Variants in DENND1B observed in about 807,000 individuals in gnomAD.
The protein encoded by DENND1B is DENN domain containing 1B, also known as DENN domain-containing protein 1B.
DENND1B carries 59 observed loss-of-function variants against 90.1 expected under a neutral mutation model. The ratio of observed to expected loss-of-function variants is 0.65; its 90% CI spans 0.53 to 0.81. DENND1B has a LOEUF of 0.81. DENND1B is among the 40% of genes least tolerant of loss of function. DENND1B has a pLI of 0.00. For missense variants in DENND1B, 862 were observed against 912.6 expected (o/e 0.94, Z 0.71); for synonymous variants, 337 against 324.6 (o/e 1.04, Z -0.41).
intron 10 of DENND1B, among the ~76,000 whole-genome samples, chr1:197,619,233 T>C (rs1323876533): frequency 6.6e-6 from 1 of 151,288 alleles, no homozygotes; most frequent in Non-Finnish European, 1.5e-5. Context: ...CTAGGAGGCA[T>C]TCAAATACTT....
rs1572204620 is a variant in DENND1B, at chr1:197,653,652, A to G, written c.367-1337T>C. 2.6e-5 allele frequency among the ~76,000 whole-genome samples: 4 copies of G among 151,996 alleles called. No homozygotes were observed. In the East Asian group the frequency reaches 7.7e-4, roughly 29 times the overall value. ...AAGGAACACAAATGGAGCCTCCCCT[A>G]TTTCCTCTTCTCAGAAAGCCAAAAT... On this transcript the variant is annotated intron_variant, in intron 6 of 22. Coordinates refer to ENST00000620048, the MANE Select transcript of DENND1B (RefSeq NM_001195215.2).
chr1:197,517,590 T>C (rs772644032), intron 20 of DENND1B, among the ~76,000 whole-genome samples: 3 of 151,958 alleles, frequency 2.0e-5, no homozygotes, highest in Admixed American at 1.3e-4. Context: ...GTCTCTATTA[T>C]TCTGTCTTGT....
intron 15 of DENND1B, among the ~76,000 whole-genome samples, chr1:197,574,038 A>G (rs1458659346): frequency 1.3e-5 from 2 of 152,222 alleles, no homozygotes; most frequent in African/African-American, 4.8e-5. Context: ...AAACCAGTAC[A>G]AGACAAGGAT....
chr1:197,752,692 T>A (rs551589412), intron 2 of DENND1B, among the ~76,000 whole-genome samples: 1 of 152,102 alleles, frequency 6.6e-6, no homozygotes, highest in African/African-American at 2.4e-5. Context: ...GTACACAACA[T>A]GCAGGTTTGT....
intron 15 of DENND1B, among the ~76,000 whole-genome samples, chr1:197,566,653 C>G (rs1672695122): frequency 6.6e-6 from 1 of 151,912 alleles, no homozygotes; most frequent in Non-Finnish European, 1.5e-5. Flanking sequence ...ACTTAAATGC[C>G]TATTATGTAT....
At chr1:197,529,227 T>C (rs1370146312) in intron 20 of DENND1B, among the ~76,000 whole-genome samples, 3 of 19,214 alleles carry the variant, frequency 1.6e-4, no homozygotes, top group Non-Finnish European at 4.0e-4. Flanking sequence ...TATATATATA[T>C]ATATATATAT....
intron 15 of DENND1B, among the ~76,000 whole-genome samples, chr1:197,581,625 G>A (rs905686935): frequency 5.9e-5 from 9 of 152,042 alleles, no homozygotes; most frequent in Admixed American, 2.0e-4. Flanking sequence ...GATATTCTGC[G>A]ATACAGTCAA....
At chr1:197,737,671 A>T (rs1213146646) in intron 2 of DENND1B, among the ~76,000 whole-genome samples, 2 of 152,194 alleles carry the variant, frequency 1.3e-5, no homozygotes, top group East Asian at 3.9e-4. Flanking sequence ...TCTTAGCTAG[A>T]CAAGAAAAAC....
At chr1:197,679,967 T>C (rs963511309) in intron 3 of DENND1B, among the ~76,000 whole-genome samples, 6 of 151,472 alleles carry the variant, frequency 4.0e-5, no homozygotes, top group Non-Finnish European at 8.8e-5. Context: ...CTGGGCAACA[T>C]GGTGAAACCC....
intron 20 of DENND1B, among the ~76,000 whole-genome samples, chr1:197,539,670 T>C (rs1670183897): frequency 6.6e-6 from 1 of 152,214 alleles, no homozygotes; most frequent in South Asian, 2.1e-4. Flanking sequence ...TTCCAGTTTA[T>C]CATCAAGCTA....
intron 7 of DENND1B, among the ~76,000 whole-genome samples, chr1:197,647,478 C>T (rs1169732379): frequency 1.3e-5 from 2 of 152,246 alleles, no homozygotes; most frequent in East Asian, 3.9e-4. Flanking sequence ...TTTAATCTTA[C>T]ATCATAAAAC....
chr1:197,668,869 T>C (rs1655202724), intron 5 of DENND1B, among the ~76,000 whole-genome samples: 1 of 151,556 alleles, frequency 6.6e-6, no homozygotes, highest in African/African-American at 2.4e-5. Context: ...TACCATTTTT[T>C]AGTCCTACAA....
chr1:197,643,138 A>G (rs1040098032), intron 9 of DENND1B, among the ~76,000 whole-genome samples: 4 of 151,552 alleles, frequency 2.6e-5, no homozygotes, highest in Non-Finnish European at 5.9e-5. Context: ...GCTCTGTTGA[A>G]TTGTCATCTT....
intron 12 of DENND1B, among the ~76,000 whole-genome samples, chr1:197,611,600 G>A (rs1022873297): frequency 6.7e-6 from 1 of 150,338 alleles, no homozygotes; most frequent in Non-Finnish European, 1.5e-5. Context: ...TCAAAATATA[G>A]GTCTGAAAAA....
intron 7 of DENND1B, among the ~76,000 whole-genome samples, chr1:197,649,109 C>T (rs146529813): frequency 2.6e-5 from 4 of 152,244 alleles, no homozygotes; most frequent in African/African-American, 7.2e-5. Context: ...ACTAACAACA[C>T]ATAGTCAACA....
intron 1 of DENND1B, 135 bp downstream of exon 1, chr1:197,775,004 G>T (rs1256569808): frequency 2.1e-6 from 1 of 478,854 alleles, no homozygotes; most frequent in Non-Finnish European, 3.1e-6. Flanking sequence ...GGGCCGGACC[G>T]CACCCCCAGC....
intron 4 of DENND1B, 77 bp downstream of exon 4, chr1:197,674,043 T>A: frequency 9.6e-7 from 1 of 1,045,498 alleles, no homozygotes; most frequent in Non-Finnish European, 1.4e-6. Flanking sequence ...TTTTATTTTA[T>A]AAAAAAGCAC....
At chr1:197,765,342 A>C (rs1252567707) in intron 2 of DENND1B, among the ~76,000 whole-genome samples, 3 of 152,246 alleles carry the variant, frequency 2.0e-5, no homozygotes, top group Non-Finnish European at 4.4e-5. Context: ...AATGATTAAA[A>C]ATCCAAGAGC....
chr1:197,655,397 CAG>C (rs1414611479), intron 6 of DENND1B, among the ~76,000 whole-genome samples: 3 of 152,166 alleles, frequency 2.0e-5, no homozygotes, highest in Non-Finnish European at 4.4e-5. Flanking sequence ...TGTGTAGACA[CAG>C]AGTTACAACC....
Sources: allele counts gnomAD v4.1 joint callset (sites outside exome capture counted in the v4.1 genomes callset), GRCh38; gene constraint gnomAD v4.1.1; transcripts MANE v1.5; gene names NCBI Gene and HGNC (gene_info 2026-07-23, HGNC 2026-07-21).